PAK2: variants seen among roughly 807,000 people sequenced by gnomAD.
PAK2 encodes the protein serine/threonine-protein kinase PAK 2.
Under a neutral mutation model 65.9 loss-of-function variants are expected in PAK2, and 21 were observed. The observed-to-expected ratio is 0.32, with a 90% confidence interval of 0.23 to 0.46. The LOEUF (loss-of-function observed/expected upper bound fraction) is 0.46, where lower values mean the gene tolerates loss of function less well. Among genes scored for constraint, PAK2 ranks in the 20% least tolerant of loss-of-function variants. The pLI is 1.00. For synonymous variants in PAK2, 204 were observed against 219.7 expected, an observed-to-expected ratio of 0.93 and a Z score of 0.63; for missense variants, 324 against 642.6, an observed-to-expected ratio of 0.50 and a Z score of 5.36.
In PAK2 at chr3:196,740,107, G is replaced by A. The variant is rs1396511494; in HGVS notation, c.-72G>A. The A allele has an allele frequency of 6.6e-6, 1 of 151,978 alleles. No homozygotes were observed. The highest frequency in any genetic ancestry group is 2.4e-5 in the African/African-American group (1 of 41,392). 9.4% of individuals were successfully genotyped at this position (151,978 alleles called of 1,614,324 possible). A position where few individuals can be genotyped will look rare whatever the true frequency, so the allele number is the denominator to read the frequency against. On this transcript the variant is annotated 5_prime_UTR_variant, in exon 1 of 15. Coordinates refer to ENST00000327134, the MANE Select transcript of PAK2 (RefSeq NM_002577.4). The stretch of plus-strand genomic sequence containing the variant: ...CCCGGGGCGGCTCCGCAGCCCGCCG[G>A]GAGCTCTGACCGAGGCGCCTCGCTG...
rs141486687 is a variant in PAK2 at position 196,819,043 on chromosome 3, G to C, written c.1153+887G>C. Among the ~76,000 whole-genome samples the C allele has an allele frequency of 1.1e-3, 175 of 152,240 alleles. 1 individual carries two copies. The highest frequency in any genetic ancestry group is 3.8e-3 in the African/African-American group (159 of 41,544). On this transcript the variant is annotated intron_variant, in intron 12 of 14. Transcript: ENST00000327134. ...ACTTACATACCGCAGTAAGTACAAG[G>C]ATGTTCTCTGCAATATTGTAAAGAA...
intron 1 of PAK2, among the ~76,000 whole-genome samples, chr3:196,773,568 G>C (rs1714442756): frequency 6.6e-6 from 1 of 152,044 alleles, no homozygotes. Flanking sequence ...GTTGTCTAGT[G>C]CTGTTTGATT....
chr3:196,746,851 T>C (rs1713401207), intron 1 of PAK2, among the ~76,000 whole-genome samples: 1 of 150,472 alleles, frequency 6.6e-6, no homozygotes, highest in Non-Finnish European at 1.5e-5. Flanking sequence ...TTATGATAAC[T>C]TCTGTAGTTA....
At chr3:196,809,176 A>T (rs932205128) in intron 7 of PAK2, among the ~76,000 whole-genome samples, 1 of 150,748 alleles carries the variant, frequency 6.6e-6, no homozygotes, top group Non-Finnish European at 1.5e-5. Context: ...TGAGCCCGTG[A>T]GTTCAAGGCT....
chr3:196,791,564 T>G lies in PAK2; in HGVS notation c.187+8731T>G, dbSNP rs74383711. On this transcript the variant is annotated intron_variant, in intron 2 of 14. Coordinates refer to ENST00000327134, the MANE Select transcript of PAK2 (RefSeq NM_002577.4). This position sits in a 1 kb window ranked among gnomAD's most constrained non-coding sequence, Gnocchi z 4.0. ...TGCTAGATATGTTATCTCTCACCCTTCTTTTTATATTTTTTTCTTATTTTA... is the reference window on the plus strand; with the variant it reads ...TGCTAGATATGTTATCTCTCACCCTGCTTTTTATATTTTTTTCTTATTTTA... Among the ~76,000 whole-genome samples the G allele has an allele frequency of 7.4e-3, 1,134 of 152,268 alleles. 8 individuals carry two copies. The highest frequency in any genetic ancestry group is 0.025 in the African/African-American group (1,032 of 41,562).
intron 13 of PAK2, among the ~76,000 whole-genome samples, chr3:196,826,418 C>T (rs1337227904): frequency 6.6e-6 from 1 of 150,592 alleles, no homozygotes; most frequent in African/African-American, 2.4e-5. Flanking sequence ...GTGACCGGCC[C>T]GCCTTAGCCT....
chr3:196,789,459 A>C (rs1393540749), intron 2 of PAK2, among the ~76,000 whole-genome samples: 1 of 150,896 alleles, frequency 6.6e-6, no homozygotes, highest in East Asian at 1.9e-4. Context: ...TAATGGTTTC[A>C]TGGAAAACAA....
Position 196,814,443 on chromosome 3 carries a change from A to G in PAK2, c.936-8A>G. The G allele has an allele frequency of 9.4e-7, 1 of 1,059,446 alleles. No homozygotes were observed. The highest frequency in any genetic ancestry group is 1.4e-6 in the Non-Finnish European group (1 of 696,264). The allele number at this position is 1,059,446 out of a possible 1,614,324, so 65.6% of individuals were successfully genotyped here. Reference sequence around the variant, plus strand: ...AGTGTGACTGTATTTGGTATGTTGTATTTTTAGTTACCTGGTAGGAGATGA... The same window carrying G: ...AGTGTGACTGTATTTGGTATGTTGTGTTTTTAGTTACCTGGTAGGAGATGA... On this transcript the variant is annotated splice_region_variant and splice_polypyrimidine_tract_variant and intron_variant, in intron 10 of 14. Transcript: ENST00000327134.
intron 7 of PAK2, among the ~76,000 whole-genome samples, chr3:196,808,650 A>C (rs1317645227): frequency 6.6e-6 from 1 of 151,058 alleles, no homozygotes; most frequent in African/African-American, 2.4e-5. Flanking sequence ...GGATCACTTG[A>C]GGTCAGGAGC....
chr3:196,807,443 TTTAC>T (rs1715623336), intron 6 of PAK2, among the ~76,000 whole-genome samples: 1 of 152,218 alleles, frequency 6.6e-6, no homozygotes, highest in Admixed American at 6.5e-5. Context: ...TCTTTTGCAT[TTTAC>T]TTACCATTTG....
intron 1 of PAK2, among the ~76,000 whole-genome samples, chr3:196,749,768 C>T (rs1798637): frequency 0.47 from 70,812 of 151,796 alleles, 17,000 homozygotes; most frequent in Non-Finnish European, 0.53. Flanking sequence ...TCCAGCATGT[C>T]ATGTTATCAT....
chr3:196,815,007 G>A lies in PAK2; in HGVS notation c.1053+439G>A, dbSNP rs574220702. ...ATCCTGGCTAACACGGTGAAACCCT[G>A]TCTCTACTAAAAATACAAAAAAATT... is the stretch of plus-strand genomic sequence containing the variant. On this transcript the variant is annotated intron_variant, in intron 11 of 14. Transcript: ENST00000327134. 2.1e-3 allele frequency among the ~76,000 whole-genome samples: 317 copies of A among 151,566 alleles called. 2 individuals are homozygous for A. The highest frequency in any genetic ancestry group is 6.6e-3 in the African/African-American group (274 of 41,278).
chr3:196,741,455 A>T (rs1203382439), intron 1 of PAK2, among the ~76,000 whole-genome samples: 1 of 152,188 alleles, frequency 6.6e-6, no homozygotes, highest in African/African-American at 2.4e-5. Flanking sequence ...TTCTGTTAGG[A>T]GTATGGATTT....
intron 1 of PAK2, among the ~76,000 whole-genome samples, chr3:196,760,820 A>T (rs1713934747): frequency 6.6e-6 from 1 of 152,220 alleles, no homozygotes; most frequent in South Asian, 2.1e-4. Flanking sequence ...TCGTGATTCA[A>T]AGTGTGAGTT....
Position 196,782,958 on chromosome 3 carries a change from G to T in PAK2, c.187+125G>T. On this transcript the variant is annotated intron_variant, in intron 2 of 14. Coordinates refer to ENST00000327134, the MANE Select transcript of PAK2 (RefSeq NM_002577.4). Reference sequence around the variant, plus strand: ...GAAAACAATCGGTGCTAATATACAGGCACTATTAAAAAGACTAGTTTATTT... The same window carrying T: ...GAAAACAATCGGTGCTAATATACAGTCACTATTAAAAAGACTAGTTTATTT... 9.6e-6 allele frequency: 5 copies of T among 520,028 alleles called. No individual in the cohort carries two copies. In the South Asian group the frequency reaches 2.1e-4, roughly 22 times the overall value. 32.2% of individuals were successfully genotyped at this position (520,028 alleles called of 1,614,324 possible).
chr3:196,743,548 A>G (rs1482663975), intron 1 of PAK2, among the ~76,000 whole-genome samples: 1 of 152,068 alleles, frequency 6.6e-6, no homozygotes, highest in Non-Finnish European at 1.5e-5. Context: ...CTAAACTTAG[A>G]ATTAAAACTG....
At chr3:196,815,083 A>G (rs748156928) in intron 11 of PAK2, among the ~76,000 whole-genome samples, 14 of 151,646 alleles carry the variant, frequency 9.2e-5, no homozygotes, top group East Asian at 5.8e-4. Flanking sequence ...AGGAGGCTGA[A>G]GCAGGAGAAT....
chr3:196,787,482 G>C (rs1019809567), intron 2 of PAK2, among the ~76,000 whole-genome samples: 1 of 151,986 alleles, frequency 6.6e-6, no homozygotes, highest in Admixed American at 6.6e-5. Context: ...TGGAGGCTGA[G>C]GCAGGAGAAT....
intron 10 of PAK2, among the ~76,000 whole-genome samples, chr3:196,813,388 G>T (rs1467568976): frequency 6.6e-6 from 1 of 150,780 alleles, no homozygotes; most frequent in African/African-American, 2.4e-5. Flanking sequence ...AACCCAGGAG[G>T]TGGAGGTTGC....
Sources: gnomAD v4.1 joint callset for allele counts (sites outside exome capture counted in the v4.1 genomes callset) on GRCh38, gnomAD v4.1.1 for gene constraint, Gnocchi (gnomAD v3.1) non-coding constraint, MANE v1.5 for transcripts, NCBI Gene and HGNC (gene_info 2026-07-23, HGNC 2026-07-21) for gene names.